The following EGFR variants were observed in gnomAD, a reference collection of about 807,000 sequenced individuals.
EGFR encodes avian erythroblastic leukemia viral (v-erb-b) oncogene homolog.
EGFR carries 58 observed loss-of-function variants against 143.0 expected under a neutral mutation model. The ratio of observed to expected loss-of-function variants is 0.41; its 90% CI spans 0.33 to 0.50. The LOEUF (loss-of-function observed/expected upper bound fraction) is 0.50, where lower values mean the gene tolerates loss of function less well. Ranked by LOEUF, EGFR falls within the 20% of genes least tolerant of loss-of-function variation. The probability of loss-of-function intolerance (pLI) is 0.39; values close to 1 mark genes in which losing one functional copy is unlikely to be tolerated. For missense variants in EGFR, 1,307 were observed against 1,579.0 expected (o/e 0.83, Z 2.92); for synonymous variants, 613 against 594.4 (o/e 1.03, Z -0.45).
At chr7:55,148,446 ATACTACAGGGCATTG>A (rs1243400618) in intron 4 of EGFR, among the ~76,000 whole-genome samples, 1 of 152,200 alleles carries the variant, frequency 6.6e-6, no homozygotes, top group Non-Finnish European at 1.5e-5. Context: ...AAAGATTCAA[ATACTACAGGGCATTG>A]AACTATAGGC....
chr7:55,086,921 T>C (rs1421596581), intron 1 of EGFR, among the ~76,000 whole-genome samples: 1 of 152,184 alleles, frequency 6.6e-6, no homozygotes, highest in Non-Finnish European at 1.5e-5. Context: ...CAAGCTTGCA[T>C]TTTTTTGCAC....
intron 1 of EGFR, among the ~76,000 whole-genome samples, chr7:55,093,599 T>G (rs2128896100): frequency 6.6e-6 from 1 of 152,334 alleles, no homozygotes; most frequent in East Asian, 1.9e-4. Context: ...CATAAAATCT[T>G]CTTTCATAGA....
At chr7:55,186,717 G>C (rs536511874) in intron 20 of EGFR, among the ~76,000 whole-genome samples, 1 of 152,294 alleles carries the variant, frequency 6.6e-6, no homozygotes, top group East Asian at 1.9e-4. Context: ...GCATTTACCT[G>C]CTAGTGTTAA....
chr7:55,050,258 C>T (rs930502890), intron 1 of EGFR, among the ~76,000 whole-genome samples: 8 of 152,126 alleles, frequency 5.3e-5, no homozygotes, highest in Non-Finnish European at 8.8e-5. Flanking sequence ...TCCTCCGTTC[C>T]CCCAGCCCCT....
chr7:55,204,272 C>T (rs1788003658), intron 27 of EGFR, among the ~76,000 whole-genome samples: 1 of 142,448 alleles, frequency 7.0e-6, no homozygotes, highest in African/African-American at 2.6e-5. Context: ...ACACACACCA[C>T]ACATACATAC....
chr7:55,111,013 G>A (rs997559777), intron 1 of EGFR, among the ~76,000 whole-genome samples: 42 of 152,180 alleles, frequency 2.8e-4, no homozygotes, highest in Admixed American at 5.9e-4. Context: ...AAGCATCATT[G>A]TTGCTTTTTC....
chr7:55,190,392 T>C (rs112162198), intron 20 of EGFR, among the ~76,000 whole-genome samples: 4,798 of 152,300 alleles, frequency 0.032, 242 homozygotes, highest in African/African-American at 0.11. Context: ...CAAAGACTAA[T>C]TCTGCATAGC....
chr7:55,055,391 G>A (rs892446898), intron 1 of EGFR, among the ~76,000 whole-genome samples: 1 of 152,024 alleles, frequency 6.6e-6, no homozygotes, highest in Non-Finnish European at 1.5e-5. Flanking sequence ...CTGTTCTAAC[G>A]TGCAGATCTG....
chr7:55,085,153 A>G (rs1790682049), intron 1 of EGFR, among the ~76,000 whole-genome samples: 1 of 152,214 alleles, frequency 6.6e-6, no homozygotes, highest in Non-Finnish European at 1.5e-5. Context: ...CTGGCTAGAA[A>G]AAAAAACAAT....
At chr7:55,084,156 C>T (rs565445059) in intron 1 of EGFR, among the ~76,000 whole-genome samples, 2 of 152,324 alleles carry the variant, frequency 1.3e-5, no homozygotes, top group African/African-American at 4.8e-5. Flanking sequence ...TAAAACAACA[C>T]ACACTTCTTA....
intron 14 of EGFR, among the ~76,000 whole-genome samples, chr7:55,164,916 C>T (rs759692085): frequency 5.9e-5 from 9 of 152,184 alleles, no homozygotes; most frequent in Non-Finnish European, 1.2e-4. Context: ...TTCCCTTTAA[C>T]TTCAACTATA....
At chr7:55,133,693 C>A (rs549248698) in intron 1 of EGFR, among the ~76,000 whole-genome samples, 1 of 152,276 alleles carries the variant, frequency 6.6e-6, no homozygotes, top group South Asian at 2.1e-4. Context: ...GGCTCCCCAG[C>A]GAGCCAGGAA....
Position 55,208,790 on chromosome 7 carries a change from G to A in EGFR, c.*3173G>A, listed in dbSNP as rs1054067699. 6.6e-6 allele frequency: 1 copy of A among 152,194 alleles called. No individual in the cohort carries two copies. The highest frequency in any genetic ancestry group is 1.9e-4 in the East Asian group (1 of 5,182). The allele number at this position is 152,194 out of a possible 1,614,324, so 9.4% of individuals were successfully genotyped here. ...TGCAGACATAAGGGGACTATGGATT[G>A]CTTAGCAGGAAAGGCACTGGTTCTC... On this transcript the variant is annotated 3_prime_UTR_variant, in exon 28 of 28. Coordinates refer to ENST00000275493, the MANE Select transcript of EGFR (RefSeq NM_005228.5).
chr7:55,117,819 T>C (rs151236638), intron 1 of EGFR, among the ~76,000 whole-genome samples: 1 of 152,276 alleles, frequency 6.6e-6, no homozygotes, highest in Non-Finnish European at 1.5e-5. Context: ...AAAGTGTATA[T>C]TTGAGGCTTC....
chr7:55,186,259 A>G (rs553118302), intron 20 of EGFR, among the ~76,000 whole-genome samples: 2 of 152,340 alleles, frequency 1.3e-5, no homozygotes, highest in Admixed American at 6.5e-5. Flanking sequence ...GCTGTCATGG[A>G]GAAGAGACCC....
chr7:55,198,969 C>T, intron 23 of EGFR, 106 bp downstream of exon 23: 2 of 1,449,952 alleles, frequency 1.4e-6, no homozygotes, highest in South Asian at 2.4e-5. Context: ...CATCACATTA[C>T]TTAAGGCAGG....
intron 19 of EGFR, among the ~76,000 whole-genome samples, chr7:55,175,608 T>G (rs1004695713): frequency 2.0e-5 from 3 of 151,966 alleles, no homozygotes; most frequent in Non-Finnish European, 4.4e-5. Flanking sequence ...AAAGAGGAGG[T>G]CAAGGGGCTC....
intron 1 of EGFR, among the ~76,000 whole-genome samples, chr7:55,124,492 A>G (rs1224910725): frequency 6.6e-6 from 1 of 152,154 alleles, no homozygotes; most frequent in East Asian, 1.9e-4. Flanking sequence ...TGGTTGAAAA[A>G]CTATAGAGGG....
chr7:55,095,819 GACAT>G (rs1462557207), intron 1 of EGFR, among the ~76,000 whole-genome samples: 2 of 148,448 alleles, frequency 1.3e-5, no homozygotes, highest in African/African-American at 5.0e-5. Context: ...CACACAGAGA[GACAT>G]ACACACAGCC....
Sources: gnomAD v4.1 joint callset for allele counts (sites outside exome capture counted in the v4.1 genomes callset) on GRCh38, gnomAD v4.1.1 for gene constraint, MANE v1.5 for transcripts, NCBI Gene and HGNC (gene_info 2026-07-23, HGNC 2026-07-21) for gene names.